CADM2: variants seen among roughly 807,000 people sequenced by gnomAD.
CADM2 encodes the protein cell adhesion molecule 2.
CADM2 carries 12 observed loss-of-function variants against 49.8 expected under a neutral mutation model. The ratio of observed to expected loss-of-function variants is 0.24; its 90% confidence interval spans 0.15 to 0.39. The LOEUF is 0.39. CADM2 is among the 10% of genes least tolerant of loss of function. The probability of loss-of-function intolerance (pLI) is 1.00; values close to 1 mark genes in which losing one functional copy is unlikely to be tolerated. For synonymous variants in CADM2, 214 were observed against 175.4 expected, an observed-to-expected ratio of 1.22 and a Z score of -1.74; for missense variants, 378 against 492.3, an observed-to-expected ratio of 0.77 and a Z score of 2.20.
chr3:85,979,393 G>A (rs1007423995), intron 8 of CADM2: 2 of 1,240,468 alleles, frequency 1.6e-6, no homozygotes, highest in Non-Finnish European at 2.2e-6. Context: ...ATTATGAGAA[G>A]TAATTAAGTC....
chr3:85,342,481 T>C lies in CADM2; in HGVS notation c.61+382813T>C, dbSNP rs915997890. 7.2e-5 allele frequency among the ~76,000 whole-genome samples: 11 copies of C among 152,028 alleles called. No homozygotes were observed. In the East Asian group the frequency reaches 9.6e-4, roughly 13 times the overall value. On this transcript the variant is annotated intron_variant, in intron 1 of 9. Transcript: ENST00000383699. The stretch of plus-strand genomic sequence containing the variant: ...AATAATTTATTAATTGGGGAGATAA[T>C]ACATTAGAGACAATGAAGACAGAAT...
intron 3 of CADM2, among the ~76,000 whole-genome samples, chr3:85,853,941 A>G (rs1466742938): frequency 6.6e-6 from 1 of 152,138 alleles, no homozygotes; most frequent in East Asian, 1.9e-4. Flanking sequence ...TATAAATATA[A>G]AAGATATGGT....
At position 85,754,273 on chromosome 3, in the gene CADM2, C is replaced by A. The variant is rs185919728; in HGVS notation, c.88+27725C>A. Among the ~76,000 whole-genome samples, 434 of 152,274 alleles carry A rather than the reference C, an allele frequency of 2.9e-3. 1 individual carries two copies. Among genetic ancestry groups the A allele is most frequent in the African/African-American group, 9.6e-3 (398 of 41,550 alleles). ...TCAGGTGTTTCTATCTATTGGGAGA[C>A]TGCCATTCCCTGACACCAGGTGCAA... On this transcript the variant is annotated intron_variant, in intron 2 of 9. Transcript: ENST00000383699.
intron 3 of CADM2, among the ~76,000 whole-genome samples, chr3:85,878,910 G>A (rs1712326604): frequency 6.6e-6 from 1 of 151,860 alleles, no homozygotes; most frequent in Admixed American, 6.6e-5. Flanking sequence ...CACAGGAGGT[G>A]GGTAACGTAT....
chr3:85,990,915 A>G (rs912788708), intron 8 of CADM2, among the ~76,000 whole-genome samples: 35 of 152,262 alleles, frequency 2.3e-4, no homozygotes, highest in African/African-American at 4.3e-4. Flanking sequence ...CCAAAATGCC[A>G]TTTTGTCATA....
intron 1 of CADM2, among the ~76,000 whole-genome samples, chr3:85,053,956 G>A (rs986771940): frequency 6.6e-6 from 1 of 151,990 alleles, no homozygotes; most frequent in African/African-American, 2.4e-5. Flanking sequence ...TGATTGCAAA[G>A]AACCTTCTGT....
chr3:85,564,288 T>C (rs1352984718), intron 1 of CADM2, among the ~76,000 whole-genome samples: 1 of 152,074 alleles, frequency 6.6e-6, no homozygotes, highest in Non-Finnish European at 1.5e-5. Flanking sequence ...TTAAGTAACA[T>C]TGAACATTGT....
intron 1 of CADM2, among the ~76,000 whole-genome samples, chr3:85,307,495 A>G (rs749249480): frequency 1.3e-5 from 2 of 151,830 alleles, no homozygotes; most frequent in Non-Finnish European, 3.0e-5. Flanking sequence ...TAATCTCTAT[A>G]AATGAAATAC....
chr3:84,973,981 A>C (rs1040654881), intron 1 of CADM2, among the ~76,000 whole-genome samples: 1 of 152,170 alleles, frequency 6.6e-6, no homozygotes, highest in African/African-American at 2.4e-5. Flanking sequence ...GAAGTTTAAA[A>C]ATAAAATGAA....
chr3:85,861,249 T>C (rs1287372384), intron 3 of CADM2, among the ~76,000 whole-genome samples: 1 of 152,132 alleles, frequency 6.6e-6, no homozygotes, highest in East Asian at 1.9e-4. Flanking sequence ...GGAGTATAGG[T>C]AGTGAGAAAT....
At chr3:85,868,744 G>T (rs1180707524) in intron 3 of CADM2, among the ~76,000 whole-genome samples, 2 of 152,068 alleles carry the variant, frequency 1.3e-5, no homozygotes, top group Non-Finnish European at 2.9e-5. Flanking sequence ...TTGTGTTTGT[G>T]TGTAATCTTT....
At chr3:86,051,814 T>C (rs1203127066) in intron 8 of CADM2, among the ~76,000 whole-genome samples, 2 of 152,088 alleles carry the variant, frequency 1.3e-5, no homozygotes, top group East Asian at 3.9e-4. Flanking sequence ...TCACTATCGT[T>C]AAAACAGCAC....
At chr3:85,343,294 A>G (rs1378595058) in intron 1 of CADM2, among the ~76,000 whole-genome samples, 1 of 152,148 alleles carries the variant, frequency 6.6e-6, no homozygotes, top group Non-Finnish European at 1.5e-5. Context: ...ATATCAACAT[A>G]TTTTGTCTAA....
intron 1 of CADM2, among the ~76,000 whole-genome samples, chr3:85,545,457 G>C (rs1186700002): frequency 6.6e-6 from 1 of 152,140 alleles, no homozygotes; most frequent in African/African-American, 2.4e-5. Flanking sequence ...CAAATAGTTG[G>C]TAAGGGAGTA....
At chr3:85,420,969 A>C (rs573352299) in intron 1 of CADM2, among the ~76,000 whole-genome samples, 1 of 152,210 alleles carries the variant, frequency 6.6e-6, no homozygotes, top group South Asian at 2.1e-4. Context: ...TTGCCATAGC[A>C]ATAATGGGGA....
chr3:85,116,622 C>T (rs995775814), intron 1 of CADM2, among the ~76,000 whole-genome samples: 1 of 151,926 alleles, frequency 6.6e-6, no homozygotes, highest in Admixed American at 6.6e-5. Flanking sequence ...GAAATTAAAG[C>T]AATTTTATTT....
intron 3 of CADM2, among the ~76,000 whole-genome samples, chr3:85,870,202 T>G (rs557915880): frequency 2.6e-5 from 4 of 152,278 alleles, no homozygotes; most frequent in Non-Finnish European, 5.9e-5. Context: ...CAAAGATTCA[T>G]TTAGCTTGTT....
chr3:85,064,786 A>G (rs1209146783), intron 1 of CADM2, among the ~76,000 whole-genome samples: 2 of 152,124 alleles, frequency 1.3e-5, no homozygotes, highest in Non-Finnish European at 2.9e-5. Flanking sequence ...GGCTGATTGA[A>G]TAATAGATGA....
At chr3:85,406,758 ATTG>A (rs1428696383) in intron 1 of CADM2, among the ~76,000 whole-genome samples, 1 of 151,970 alleles carries the variant, frequency 6.6e-6, no homozygotes, top group Non-Finnish European at 1.5e-5. Flanking sequence ...CCTCTTGAAT[ATTG>A]TTCGCTTGTT....
Sources: gnomAD v4.1 joint callset for allele counts (sites outside exome capture counted in the v4.1 genomes callset) on GRCh38, gnomAD v4.1.1 for gene constraint, MANE v1.5 for transcripts, NCBI Gene and HGNC (gene_info 2026-07-23, HGNC 2026-07-21) for gene names.